The following ERC2 variants were observed in gnomAD, a reference collection of about 807,000 sequenced individuals.
ERC2 encodes ERC protein 2.
A neutral mutation model predicts 114.8 loss-of-function variants in ERC2; 42 were observed. The ratio of observed to expected loss-of-function variants is 0.37; its 90% CI spans 0.29 to 0.47. The LOEUF (loss-of-function observed/expected upper bound fraction) is 0.47, where lower values mean the gene tolerates loss of function less well. ERC2 is among the 20% of genes least tolerant of loss of function. The pLI is 0.99. For missense variants in ERC2, 939 were observed against 1,150.7 expected (o/e 0.82, Z 2.66); for synonymous variants, 454 against 425.5 (o/e 1.07, Z -0.82).
intron 7 of ERC2, among the ~76,000 whole-genome samples, chr3:56,080,340 A>G (rs966818652): frequency 6.6e-6 from 1 of 152,138 alleles, no homozygotes; most frequent in Admixed American, 6.5e-5. Flanking sequence ...ATTATTATAC[A>G]TTCTTTCCAT....
intron 2 of ERC2, among the ~76,000 whole-genome samples, chr3:56,334,073 A>G (rs777867453): frequency 5.9e-5 from 9 of 152,208 alleles, no homozygotes; most frequent in Non-Finnish European, 8.8e-5. Context: ...CATCTAGTGG[A>G]CTATGGGATC....
chr3:55,651,232 T>C (rs115920468), intron 17 of ERC2, among the ~76,000 whole-genome samples: 3,108 of 152,212 alleles, frequency 0.02, 46 homozygotes, highest in Middle Eastern at 0.065. Context: ...CATGTCATTC[T>C]GCAAGTCCAC....
intron 14 of ERC2, among the ~76,000 whole-genome samples, chr3:55,790,633 A>T (rs1575607213): frequency 6.6e-6 from 1 of 152,304 alleles, no homozygotes; most frequent in African/African-American, 2.4e-5. Flanking sequence ...CCCCACCTCC[A>T]GATAAGCTAC....
At chr3:55,705,549 T>C (rs1328567879) in intron 15 of ERC2, among the ~76,000 whole-genome samples, 1 of 152,180 alleles carries the variant, frequency 6.6e-6, no homozygotes, top group Non-Finnish European at 1.5e-5. Flanking sequence ...AGCCATATAC[T>C]CACCCATGTC....
At chr3:55,753,707 GC>G (rs2066871561) in intron 14 of ERC2, among the ~76,000 whole-genome samples, 1 of 152,220 alleles carries the variant, frequency 6.6e-6, no homozygotes, top group Non-Finnish European at 1.5e-5. Flanking sequence ...TCTGGAGGAG[GC>G]ACAAAAGAGT....
chr3:56,119,272 T>G (rs2079436898), intron 6 of ERC2, among the ~76,000 whole-genome samples: 1 of 152,228 alleles, frequency 6.6e-6, no homozygotes, highest in Non-Finnish European at 1.5e-5. Context: ...GAAATCTTGT[T>G]AAAGTGTTGC....
intron 2 of ERC2, among the ~76,000 whole-genome samples, chr3:56,313,219 G>T (rs1295266844): frequency 6.6e-6 from 1 of 150,692 alleles, no homozygotes; most frequent in Non-Finnish European, 1.5e-5. Context: ...AAAGGATAGG[G>T]AGTTTTTAGG....
intron 14 of ERC2, among the ~76,000 whole-genome samples, chr3:55,786,537 C>A (rs1408385236): frequency 1.3e-5 from 2 of 152,202 alleles, no homozygotes; most frequent in Non-Finnish European, 2.9e-5. Context: ...TACTATGAAC[C>A]AAGCACTGTG....
chr3:55,943,395 G>T (rs1178195074), intron 13 of ERC2, among the ~76,000 whole-genome samples: 2 of 152,120 alleles, frequency 1.3e-5, no homozygotes, highest in Non-Finnish European at 2.9e-5. Flanking sequence ...ACACCTCAGA[G>T]GTCTCCCTTC....
At chr3:56,187,061 A>G (rs1560331841) in intron 3 of ERC2, among the ~76,000 whole-genome samples, 1 of 152,158 alleles carries the variant, frequency 6.6e-6, no homozygotes, top group Non-Finnish European at 1.5e-5. Context: ...AGGGTGTTGT[A>G]TAGGAAATCT....
chr3:56,432,481 C>T (rs1049885874), intron 2 of ERC2, among the ~76,000 whole-genome samples: 5 of 152,178 alleles, frequency 3.3e-5, no homozygotes, highest in African/African-American at 9.7e-5. Context: ...AGAAATGATA[C>T]CGAAGAGCAT....
At chr3:55,529,087 C>T (rs1559603223) in intron 17 of ERC2, among the ~76,000 whole-genome samples, 1 of 152,170 alleles carries the variant, frequency 6.6e-6, no homozygotes, top group Non-Finnish European at 1.5e-5. Flanking sequence ...ATGTTGAGTT[C>T]CAGGAGATGG....
chr3:55,967,302 A>G (rs958294905), intron 12 of ERC2, among the ~76,000 whole-genome samples: 5 of 152,212 alleles, frequency 3.3e-5, no homozygotes, highest in African/African-American at 1.2e-4. Flanking sequence ...AAATTTTTTA[A>G]GAAAAACACC....
chr3:56,073,278 A>G (rs1305457247), intron 7 of ERC2, among the ~76,000 whole-genome samples: 1 of 152,182 alleles, frequency 6.6e-6, no homozygotes, highest in Non-Finnish European at 1.5e-5. Flanking sequence ...TCCTTACACA[A>G]GAAGGAAAGG....
chr3:56,054,653 T>C (rs1479645701), intron 7 of ERC2, among the ~76,000 whole-genome samples: 2 of 152,176 alleles, frequency 1.3e-5, no homozygotes, highest in African/African-American at 4.8e-5. Flanking sequence ...ATGAGCAAAC[T>C]GCGGCTTCAA....
intron 14 of ERC2, among the ~76,000 whole-genome samples, chr3:55,838,394 C>T (rs189312727): frequency 6.6e-6 from 1 of 151,924 alleles, no homozygotes; most frequent in African/African-American, 2.4e-5. Context: ...AACATCTATA[C>T]CAAGAATATA....
chr3:56,434,148 G>C, intron 2 of ERC2: 1 of 576,786 alleles, frequency 1.7e-6, no homozygotes, highest in Admixed American at 3.1e-5. Flanking sequence ...ATGTGAAAAG[G>C]TTATCGGAAA....
At chr3:56,143,458 C>A (rs2080976438) in intron 5 of ERC2, among the ~76,000 whole-genome samples, 1 of 152,172 alleles carries the variant, frequency 6.6e-6, no homozygotes, top group Non-Finnish European at 1.5e-5. Context: ...CTTTCCCATG[C>A]TGTTCTCATG....
chr3:55,702,019 T>C (rs2063246997), intron 15 of ERC2, among the ~76,000 whole-genome samples: 2 of 152,156 alleles, frequency 1.3e-5, no homozygotes, highest in Non-Finnish European at 2.9e-5. Context: ...AATATCCTCA[T>C]CCTTTGGGGA....
Sources: allele counts gnomAD v4.1 joint callset (sites outside exome capture counted in the v4.1 genomes callset), GRCh38; gene constraint gnomAD v4.1.1; transcripts MANE v1.5; gene names NCBI Gene and HGNC (gene_info 2026-07-23, HGNC 2026-07-21).